The following ASB5 variants were observed in gnomAD, a reference collection of about 807,000 sequenced individuals.
ASB5 encodes the protein ankyrin repeat and SOCS box protein 5.
ASB5 carries 45 observed loss-of-function variants against 42.1 expected under a neutral mutation model. The observed-to-expected ratio is 1.07, with a 90% CI of 0.84 to 1.37. The LOEUF is 1.37. Among genes scored for constraint, ASB5 ranks in the 40% most tolerant of loss-of-function variants. ASB5 has a pLI of 0.00. For missense variants in ASB5, 402 were observed against 399.8 expected, an observed-to-expected ratio of 1.01 and a Z score of -0.05; for synonymous variants, 147 against 150.6, an observed-to-expected ratio of 0.98 and a Z score of 0.18.
At chr4:176,272,962 T>A (rs28671265), upstream of ASB5, among the ~76,000 whole-genome samples, 1 of 116,062 alleles carries the variant, frequency 8.6e-6, no homozygotes, top group South Asian at 2.7e-4. Context: ...TTTTTTTTTT[T>A]CTTGAGACAG....
At chr4:176,250,404 C>T (rs1174891193) in intron 1 of ASB5, among the ~76,000 whole-genome samples, 1 of 152,190 alleles carries the variant, frequency 6.6e-6, no homozygotes, top group Non-Finnish European at 1.5e-5. Context: ...TTACAAATGG[C>T]TTCAAAGAGC....
At chr4:176,265,258 G>A (rs1754334887) in intron 1 of ASB5, among the ~76,000 whole-genome samples, 1 of 152,112 alleles carries the variant, frequency 6.6e-6, no homozygotes, top group African/African-American at 2.4e-5. Flanking sequence ...AACAGTCCAT[G>A]TGCACCCATA....
chr4:176,245,520 C>T (rs543326735), intron 1 of ASB5, among the ~76,000 whole-genome samples: 2 of 152,086 alleles, frequency 1.3e-5, no homozygotes, highest in Non-Finnish European at 2.9e-5. Flanking sequence ...CTAGATATAC[C>T]ATTTGACGCA....
chr4:176,216,593 C>T lies in ASB5; in HGVS notation c.862+225G>A, dbSNP rs539992779. ...CTTGATCTCTTGACCTTGTGATCCA[C>T]CCGCCTTGGCCTCCCAAAGTGCTGG... On this transcript the variant is annotated intron_variant, in intron 6 of 6. Transcript: ENST00000296525. Among the ~76,000 whole-genome samples the T allele has an allele frequency of 3.9e-5, 6 of 152,304 alleles. No homozygotes were observed. In the East Asian group the frequency reaches 1.2e-3, roughly 29 times the overall value.
intron 1 of ASB5, among the ~76,000 whole-genome samples, chr4:176,255,406 C>T (rs1458124786): frequency 1.3e-5 from 2 of 152,158 alleles, no homozygotes; most frequent in Admixed American, 6.5e-5. Context: ...AAGGCACATG[C>T]ACTTGTATAT....
chr4:176,258,628 G>C (rs1754200729), intron 1 of ASB5, among the ~76,000 whole-genome samples: 1 of 152,108 alleles, frequency 6.6e-6, no homozygotes, highest in Admixed American at 6.5e-5. Flanking sequence ...TTTGTCTCAT[G>C]AGCCTTAGGT....
intron 6 of ASB5, among the ~76,000 whole-genome samples, chr4:176,216,563 A>C (rs1752975711): frequency 6.6e-6 from 1 of 152,104 alleles, no homozygotes; most frequent in Non-Finnish European, 1.5e-5. Flanking sequence ...GTTGGCCAGG[A>C]TGGCCTTGAT....
chr4:176,217,733 G>A (rs1440796247), intron 5 of ASB5, among the ~76,000 whole-genome samples: 4 of 152,026 alleles, frequency 2.6e-5, no homozygotes, highest in South Asian at 2.1e-4. Context: ...GTCATTCAAT[G>A]CATTTGCAAT....
intron 3 of ASB5, among the ~76,000 whole-genome samples, chr4:176,222,011 A>T (rs1255869336): frequency 6.6e-6 from 1 of 152,230 alleles, no homozygotes; most frequent in Non-Finnish European, 1.5e-5. Flanking sequence ...AAGGAAAATC[A>T]TCCAAAAGAT....
chr4:176,246,828 A>G (rs974646904), intron 1 of ASB5, among the ~76,000 whole-genome samples: 4 of 152,214 alleles, frequency 2.6e-5, no homozygotes, highest in African/African-American at 7.2e-5. Context: ...TCAACATCAT[A>G]CAAGAGGTTT....
chr4:176,246,231 C>G (rs1018889742), intron 1 of ASB5, among the ~76,000 whole-genome samples: 2 of 152,052 alleles, frequency 1.3e-5, no homozygotes, highest in African/African-American at 4.8e-5. Flanking sequence ...AAGGCTTTTA[C>G]AGCTACTATA....
At chr4:176,274,589 T>C (rs920367749) in intron 2 of ASB5, among the ~76,000 whole-genome samples, 3 of 152,158 alleles carry the variant, frequency 2.0e-5, no homozygotes, top group South Asian at 2.1e-4. Flanking sequence ...TGTTGAAACA[T>C]GGATAATTGC....
Position 176,221,489 on chromosome 4 carries a change from A to G in ASB5, c.496T>C (p.Ser166Pro), listed in dbSNP as rs149224494. The change falls in exon 4 of 7, where the codon TCA becomes CCA. Residue 166 changes from serine to proline, a missense_variant. Physicochemically the swap from Ser to Pro is moderately conservative, Grantham distance 74. Transcript: ENST00000296525. ...LEYGAKAQLE[S>P]CLPSPTHEAA... ...TCATGCGTTGGGGATGGAAGACATG[A>G]CTCCAGCTGGGCTTTGGCACCATAC... 1.9e-6 allele frequency: 3 copies of G among 1,613,540 alleles called. No homozygotes were observed. The highest frequency in any genetic ancestry group is 2.7e-5 in the African/African-American group (2 of 74,766).
intron 2 of ASB5, among the ~76,000 whole-genome samples, chr4:176,224,931 T>C (rs1345025678): frequency 6.6e-6 from 1 of 152,238 alleles, no homozygotes; most frequent in Non-Finnish European, 1.5e-5. Flanking sequence ...GAACTAAGTC[T>C]GTAATTAGCT....
rs1753406763 is a variant in ASB5 at position 176,227,277 on chromosome 4, T to C, written c.197-1936A>G. Among the ~76,000 whole-genome samples, 3 of 152,174 alleles carry C rather than the reference T, an allele frequency of 2.0e-5. No homozygotes were observed. The South Asian group carries it at 6.2e-4, about 32-fold the overall frequency. On this transcript the variant is annotated intron_variant, in intron 1 of 6. Coordinates refer to ENST00000296525, the MANE Select transcript of ASB5 (RefSeq NM_080874.4). Reference sequence around the variant, plus strand: ...TGCTTAGACTAGTGTACACACATAGTAAACACCATTCAACATTACCTGCTA... The same window carrying C: ...TGCTTAGACTAGTGTACACACATAGCAAACACCATTCAACATTACCTGCTA...
At position 176,269,175 on chromosome 4, in the gene ASB5, G is replaced by T; in HGVS notation, c.-67C>A. 1 of 1,459,296 alleles carries T rather than the reference G, an allele frequency of 6.9e-7. No individual in the cohort carries two copies. Among genetic ancestry groups the T allele is most frequent in the East Asian group, 2.3e-5 (1 of 42,936 alleles). The allele number at this position is 1,459,296 out of a possible 1,614,324, so 90.4% of individuals were successfully genotyped here. ...TCTCAAATGTGCCTGGCTCTCGTCC[G>T]GGATGCTCCTGAACAGCTGGTCCTG... On this transcript the variant is annotated 5_prime_UTR_variant, in exon 1 of 7. Transcript: ENST00000296525.
intron 5 of ASB5, 25 bp downstream of exon 5, chr4:176,221,130 T>C (rs1416535484): frequency 6.2e-7 from 1 of 1,600,786 alleles, no homozygotes; most frequent in African/African-American, 1.3e-5. Flanking sequence ...ATGGACAGAA[T>C]GGAAGATGTT....
chr4:176,215,820 G>C, intron 6 of ASB5, 93 bp from the exon 7 acceptor site: 1 of 1,267,950 alleles, frequency 7.9e-7, no homozygotes, highest in African/African-American at 1.5e-5. Context: ...AAACTACAAT[G>C]CTTTGTAGTA....
upstream of ASB5, among the ~76,000 whole-genome samples, chr4:176,273,187 A>C (rs1314606480): frequency 6.6e-6 from 1 of 152,160 alleles, no homozygotes; most frequent in Non-Finnish European, 1.5e-5. Flanking sequence ...CCAAAAAACA[A>C]AACCACAGGG....
Sources: allele counts gnomAD v4.1 joint callset (sites outside exome capture counted in the v4.1 genomes callset), GRCh38; gene constraint gnomAD v4.1.1; transcripts MANE v1.5; gene names NCBI Gene and HGNC (gene_info 2026-07-23, HGNC 2026-07-21).